BICRAL: variants seen among roughly 807,000 people sequenced by gnomAD.
The protein encoded by BICRAL is BICRA like chromatin remodeling complex associated protein, also known as BRD4-interacting chromatin-remodeling complex-associated protein-like.
A neutral mutation model predicts 91.8 loss-of-function variants in BICRAL; 8 were observed. The observed-to-expected ratio is 0.09, with a 90% CI of 0.05 to 0.16. BICRAL has a LOEUF of 0.16. BICRAL is among the 10% of genes least tolerant of loss of function. The pLI, the probability that BICRAL is intolerant of heterozygous loss-of-function variation, is 1.00. For missense variants in BICRAL, 1,038 were observed against 1,310.9 expected (o/e 0.79, Z 3.21); for synonymous variants, 445 against 491.1 (o/e 0.91, Z 1.24).
intron 1 of BICRAL, among the ~76,000 whole-genome samples, chr6:42,790,340 T>A (rs1256720172): frequency 1.4e-5 from 2 of 144,494 alleles, no homozygotes; most frequent in East Asian, 2.0e-4. Context: ...ATTTTTTTTT[T>A]TTTTTTTTTT....
At position 42,793,580 on chromosome 6, in the gene BICRAL, C is replaced by T. The variant is rs914882180; in HGVS notation, c.-102+11479C>T. Among the ~76,000 whole-genome samples, 5 of 151,516 alleles carry T rather than the reference C, an allele frequency of 3.3e-5. No individual in the cohort carries two copies. The East Asian group carries it at 7.7e-4, about 23-fold the overall frequency. On this transcript the variant is annotated intron_variant, in intron 1 of 12. Coordinates refer to ENST00000314073, the MANE Select transcript of BICRAL (RefSeq NM_001393499.1). ...CTGGGATTACAGGCGTGAGCCACCG[C>T]GCCTGACCAGGTTGGTTTATTCTTA...
In BICRAL at chr6:42,867,929, A is replaced by G. The variant is rs1331537266; in HGVS notation, c.*2483A>G. The G allele has an allele frequency of 6.6e-6, 1 of 152,596 alleles. No individual in the cohort carries two copies. The highest frequency in any genetic ancestry group is 1.5e-5 in the Non-Finnish European group (1 of 68,036). 9.5% of individuals were successfully genotyped at this position (152,596 alleles called of 1,614,324 possible). A position where few individuals can be genotyped will look rare whatever the true frequency, so the allele number is the denominator to read the frequency against. ...ACTCCTGTGATTAGGTTCTACGCACATGGGTCATAACTCGCATGTCGAGCC... is the reference window on the plus strand; with the variant it reads ...ACTCCTGTGATTAGGTTCTACGCACGTGGGTCATAACTCGCATGTCGAGCC... On this transcript the variant is annotated 3_prime_UTR_variant, in exon 13 of 13. Coordinates refer to ENST00000314073, the MANE Select transcript of BICRAL (RefSeq NM_001393499.1).
intron 10 of BICRAL, among the ~76,000 whole-genome samples, chr6:42,857,614 A>AAAAAAAAAAAAAAAATAT: frequency 7.3e-5 from 7 of 96,242 alleles, no homozygotes; most frequent in African/African-American, 3.9e-4. Context: ...AAAAAAAAAA[A>AAAAAAAAAAAAAAAATAT]ATATATATAT....
intron 2 of BICRAL, among the ~76,000 whole-genome samples, chr6:42,821,646 C>A (rs956728130): frequency 1.8e-4 from 27 of 152,156 alleles, no homozygotes; most frequent in African/African-American, 5.6e-4. Context: ...TCTATGAGAT[C>A]TTTTCTAAAA....
chr6:42,841,630 T>A (rs554932917), intron 6 of BICRAL, among the ~76,000 whole-genome samples: 25 of 152,294 alleles, frequency 1.6e-4, no homozygotes, highest in Non-Finnish European at 2.8e-4. Context: ...ATGTTCTTGT[T>A]TTCTTCTTCT....
At chr6:42,807,007 T>C (rs1763726755) in intron 1 of BICRAL, among the ~76,000 whole-genome samples, 1 of 151,600 alleles carries the variant, frequency 6.6e-6, no homozygotes, top group Non-Finnish European at 1.5e-5. Context: ...ATTTTTGTAT[T>C]TTTAGTAGAG....
intron 2 of BICRAL, among the ~76,000 whole-genome samples, chr6:42,819,005 T>A (rs1764068298): frequency 6.6e-6 from 1 of 152,182 alleles, no homozygotes. Flanking sequence ...TCCCACTGTC[T>A]AGTGCTATTT....
chr6:42,861,779 A>G (rs1307314546), intron 11 of BICRAL, among the ~76,000 whole-genome samples: 1 of 152,074 alleles, frequency 6.6e-6, no homozygotes, highest in Non-Finnish European at 1.5e-5. Flanking sequence ...TGGGTGGATC[A>G]CCTGAGGTCA....
At chr6:42,795,686 A>G (rs1763397990) in intron 1 of BICRAL, among the ~76,000 whole-genome samples, 1 of 152,226 alleles carries the variant, frequency 6.6e-6, no homozygotes, top group Non-Finnish European at 1.5e-5. Context: ...ATGTATATGC[A>G]CCTTTAAAAT....
At chr6:42,770,322 G>A (rs1447867353) in intron 1 of BICRAL, among the ~76,000 whole-genome samples, 2 of 151,750 alleles carry the variant, frequency 1.3e-5, no homozygotes, top group African/African-American at 2.4e-5. Context: ...TTCGCCTCTC[G>A]GGTTCAAGCG....
At chr6:42,755,093 A>G (rs1762440128) in intron 1 of BICRAL, among the ~76,000 whole-genome samples, 2 of 152,100 alleles carry the variant, frequency 1.3e-5, no homozygotes, top group African/African-American at 4.8e-5. Context: ...GTATGAGGAG[A>G]AAAGGGTGGA....
At chr6:42,790,386 G>C (rs1007020460) in intron 1 of BICRAL, among the ~76,000 whole-genome samples, 15 of 135,690 alleles carry the variant, frequency 1.1e-4, no homozygotes, top group African/African-American at 4.2e-4. Flanking sequence ...TTGTCACCCA[G>C]GCTGGCCTCA....
At chr6:42,769,966 T>C (rs1582805249) in intron 1 of BICRAL, among the ~76,000 whole-genome samples, 1 of 152,184 alleles carries the variant, frequency 6.6e-6, no homozygotes, top group Non-Finnish European at 1.5e-5. Context: ...CACAGTCTCA[T>C]GACTTGCACA....
At chr6:42,753,082 A>G (rs572955326) in intron 1 of BICRAL, among the ~76,000 whole-genome samples, 1 of 151,728 alleles carries the variant, frequency 6.6e-6, no homozygotes, top group African/African-American at 2.4e-5. Context: ...ACTTGCCACC[A>G]TGCCTGGCTA....
intron 2 of BICRAL, among the ~76,000 whole-genome samples, chr6:42,816,558 C>T (rs1317425314): frequency 1.3e-5 from 2 of 152,126 alleles, no homozygotes; most frequent in Non-Finnish European, 2.9e-5. Context: ...TACCAAGTAG[C>T]TGGGACTAAA....
intron 1 of BICRAL, among the ~76,000 whole-genome samples, chr6:42,783,045 T>C (rs944072211): frequency 2.0e-5 from 3 of 151,064 alleles, no homozygotes; most frequent in African/African-American, 7.3e-5. Flanking sequence ...GCTTCCCCAT[T>C]CCCGCCGCAT....
At chr6:42,831,788 G>C (rs1376555714) in intron 6 of BICRAL, among the ~76,000 whole-genome samples, 1 of 150,470 alleles carries the variant, frequency 6.6e-6, no homozygotes, top group Non-Finnish European at 1.5e-5. Flanking sequence ...GCCCAGGCTA[G>C]CATGCAGTGG....
chr6:42,780,419 A>G (rs190747205), upstream of BICRAL, among the ~76,000 whole-genome samples: 3 of 152,310 alleles, frequency 2.0e-5, no homozygotes, highest in Admixed American at 1.3e-4. Context: ...AACTCACCAA[A>G]TATCTGGGAG....
chr6:42,782,835 G>A (rs1328926128), intron 1 of BICRAL, among the ~76,000 whole-genome samples: 1 of 152,130 alleles, frequency 6.6e-6, no homozygotes, highest in East Asian at 1.9e-4. Flanking sequence ...GGCCTGGAGT[G>A]ACGGCGGGCG....
Sources: gnomAD v4.1 joint callset for allele counts (sites outside exome capture counted in the v4.1 genomes callset) on GRCh38, gnomAD v4.1.1 for gene constraint, MANE v1.5 for transcripts, NCBI Gene and HGNC (gene_info 2026-07-23, HGNC 2026-07-21) for gene names.